EBF3: variants seen among roughly 807,000 people sequenced by gnomAD.
EBF3 encodes transcription factor COE3.
In EBF3, 18 loss-of-function variants were observed where a neutral mutation model predicts 77.1. The ratio of observed to expected loss-of-function variants is 0.23; its 90% confidence interval spans 0.16 to 0.35. The LOEUF (loss-of-function observed/expected upper bound fraction) is 0.35, where lower values mean the gene tolerates loss of function less well. Among genes scored for constraint, EBF3 ranks in the 10% least tolerant of loss-of-function variants. The pLI, the probability that EBF3 is intolerant of heterozygous loss-of-function variation, is 1.00. For missense variants in EBF3, 558 were observed against 860.0 expected, an observed-to-expected ratio of 0.65 and a Z score of 4.39; for synonymous variants, 350 against 343.5, an observed-to-expected ratio of 1.02 and a Z score of -0.21.
At chr10:129,840,217 C>G (rs372210468) in intron 15 of EBF3, 28 bp downstream of exon 15, 1 of 1,535,532 alleles carries the variant, frequency 6.5e-7, no homozygotes, top group Non-Finnish European at 8.8e-7. Flanking sequence ...GGACCCAGCA[C>G]TGGCCCACGG....
At chr10:129,957,889 T>C (rs140194189) in intron 5 of EBF3, among the ~76,000 whole-genome samples, 2 of 152,382 alleles carry the variant, frequency 1.3e-5, no homozygotes, top group Admixed American at 1.3e-4. Context: ...GTTATGCTTC[T>C]TGCATTTTAA....
chr10:129,907,950 G>C (rs1855262265), intron 6 of EBF3, among the ~76,000 whole-genome samples: 1 of 152,186 alleles, frequency 6.6e-6, no homozygotes, highest in Non-Finnish European at 1.5e-5. Flanking sequence ...GCACTGAACA[G>C]AGAATCCTAG....
rs1000347427 is a variant in EBF3 at position 129,885,304 on chromosome 10, C to A, written c.555-7455G>T. Among the ~76,000 whole-genome samples, 45 of 152,098 alleles carry A rather than the reference C, an allele frequency of 3.0e-4. No individual in the cohort carries two copies. The highest frequency in any genetic ancestry group is 1.1e-3 in the African/African-American group (44 of 41,424). On this transcript the variant is annotated intron_variant, in intron 6 of 16. Coordinates refer to ENST00000440978, the MANE Select transcript of EBF3 (RefSeq NM_001375380.1). The surrounding 1 kb of genome is among the most constrained non-coding windows in gnomAD (Gnocchi z 4.0). ...TCCGTTTGGAGAAATTTGTATGACT[C>A]GCATTAAACTTTTCCGGGTGGTTTT...
chr10:129,934,243 CCA>C (rs1418616624), intron 6 of EBF3, among the ~76,000 whole-genome samples: 1 of 141,766 alleles, frequency 7.1e-6, no homozygotes, highest in Admixed American at 6.8e-5. Flanking sequence ...CTTGAAGACC[CCA>C]GAGACCCTCC....
chr10:129,858,616 G>T (rs1178059369), intron 10 of EBF3, among the ~76,000 whole-genome samples: 1 of 152,288 alleles, frequency 6.6e-6, no homozygotes, highest in African/African-American at 2.4e-5. Flanking sequence ...AGGGCCAGTG[G>T]GGAGATTCCC....
intron 6 of EBF3, among the ~76,000 whole-genome samples, chr10:129,918,586 A>C (rs890032711): frequency 9.9e-5 from 15 of 152,172 alleles, no homozygotes; most frequent in Non-Finnish European, 2.9e-5. Flanking sequence ...TTTAGGCCAG[A>C]CGGAACCCTG....
At chr10:129,939,825 T>C (rs1164978510) in intron 6 of EBF3, among the ~76,000 whole-genome samples, 1 of 152,202 alleles carries the variant, frequency 6.6e-6, no homozygotes, top group African/African-American at 2.4e-5. Context: ...CCCAGGAAAA[T>C]GGAACCGACC....
chr10:129,921,199 C>T (rs969742236), intron 6 of EBF3, among the ~76,000 whole-genome samples: 2 of 150,132 alleles, frequency 1.3e-5, no homozygotes, highest in Non-Finnish European at 1.5e-5. Context: ...TGTGCTGGAT[C>T]GCAGTGGGCA....
intron 6 of EBF3, among the ~76,000 whole-genome samples, chr10:129,945,777 CCT>C (rs1367331008): frequency 7.9e-5 from 12 of 152,268 alleles, no homozygotes; most frequent in South Asian, 6.2e-4. Flanking sequence ...GATAGCAGCC[CCT>C]GTCACCGCTC....
rs1189947735 is a variant in EBF3 at position 129,858,714 on chromosome 10, G to A, written c.1039+8427C>T. Among the ~76,000 whole-genome samples, 3 of 152,110 alleles carry A rather than the reference G, an allele frequency of 2.0e-5. No individual in the cohort carries two copies. In the South Asian group the frequency reaches 6.2e-4, roughly 32 times the overall value. On this transcript the variant is annotated intron_variant, in intron 10 of 16. Coordinates refer to ENST00000440978, the MANE Select transcript of EBF3 (RefSeq NM_001375380.1). ...CCACCCTCCCTAATCCGACCCCCTG[G>A]ATTTCCTGACTTTAGGCTTCCTCAG...
intron 10 of EBF3, among the ~76,000 whole-genome samples, chr10:129,854,071 T>C (rs1851079935): frequency 6.8e-6 from 1 of 146,354 alleles, no homozygotes; most frequent in South Asian, 2.4e-4. Flanking sequence ...CCCCCCTGAA[T>C]ACCTTGCCCC....
At chr10:129,874,540 C>T (rs1345464481) in intron 7 of EBF3, among the ~76,000 whole-genome samples, 1 of 152,172 alleles carries the variant, frequency 6.6e-6, no homozygotes, top group Non-Finnish European at 1.5e-5. Flanking sequence ...TGCATTCATC[C>T]CGGACTAGCT....
At chr10:129,924,477 T>C (rs1589871507) in intron 6 of EBF3, among the ~76,000 whole-genome samples, 1 of 144,084 alleles carries the variant, frequency 6.9e-6, no homozygotes, top group Non-Finnish European at 1.5e-5. Flanking sequence ...TAGGTACTGG[T>C]GAGGATGGAG....
intron 10 of EBF3, among the ~76,000 whole-genome samples, chr10:129,849,189 CTG>C (rs771967336): frequency 1.6e-4 from 24 of 152,250 alleles, no homozygotes; most frequent in Admixed American, 5.9e-4. Context: ...ACTGCACACA[CTG>C]TGTTTAACAA....
chr10:129,915,460 ATG>A (rs2134318984), intron 6 of EBF3, among the ~76,000 whole-genome samples: 1 of 122,690 alleles, frequency 8.2e-6, no homozygotes, highest in African/African-American at 3.5e-5. Flanking sequence ...GCGCGCACAC[ATG>A]CACACACACA....
In EBF3 at chr10:129,837,923, A is replaced by G. The variant is rs1461956813; in HGVS notation, c.*20T>C. On this transcript the variant is annotated 3_prime_UTR_variant, in exon 17 of 17. Transcript: ENST00000440978. Reference sequence around the variant, plus strand: ...CTGGGTGCTGCGGAAGGTAAACAGAAGTCCCTCACATTGGCGGGACTACCA... The same window carrying G: ...CTGGGTGCTGCGGAAGGTAAACAGAGGTCCCTCACATTGGCGGGACTACCA... The G allele has an allele frequency of 1.2e-6, 2 of 1,614,070 alleles. No individual in the cohort carries two copies.
chr10:129,940,747 C>G (rs1443742862), intron 6 of EBF3, among the ~76,000 whole-genome samples: 1 of 152,162 alleles, frequency 6.6e-6, no homozygotes, highest in East Asian at 1.9e-4. Flanking sequence ...GTTCTCCAGG[C>G]CCCCTCCCCA....
intron 6 of EBF3, among the ~76,000 whole-genome samples, chr10:129,931,448 A>C (rs966630772): frequency 2.4e-4 from 36 of 152,362 alleles, no homozygotes; most frequent in African/African-American, 8.7e-4. Flanking sequence ...AGTGGACTCC[A>C]GAATTACACA....
chr10:129,875,918 T>C (rs559340631), intron 7 of EBF3, among the ~76,000 whole-genome samples: 154 of 152,334 alleles, frequency 1.0e-3, no homozygotes, highest in Non-Finnish European at 1.8e-3. Flanking sequence ...ACTCTACAAA[T>C]GCATTATCTG....
Sources: gnomAD v4.1 joint callset for allele counts (sites outside exome capture counted in the v4.1 genomes callset) on GRCh38, gnomAD v4.1.1 for gene constraint, Gnocchi (gnomAD v3.1) non-coding constraint, MANE v1.5 for transcripts, NCBI Gene and HGNC (gene_info 2026-07-23, HGNC 2026-07-21) for gene names.